FABP6: variants seen among roughly 807,000 people sequenced by gnomAD.
The protein encoded by FABP6 is gastrotropin.
FABP6 carries 13 observed loss-of-function variants against 14.9 expected under a neutral mutation model. That is an observed-to-expected ratio of 0.87 (90% CI 0.57 to 1.39). The LOEUF (loss-of-function observed/expected upper bound fraction) is 1.39, where lower values mean the gene tolerates loss of function less well. Among genes scored for constraint, FABP6 ranks in the 40% most tolerant of loss-of-function variants. The probability of loss-of-function intolerance (pLI) is 0.00; values close to 1 mark genes in which losing one functional copy is unlikely to be tolerated. For missense variants in FABP6, 161 were observed against 167.2 expected (o/e 0.96, Z 0.20); for synonymous variants, 75 against 63.6 (o/e 1.18, Z -0.85).
intron 1 of FABP6, among the ~76,000 whole-genome samples, chr5:160,193,424 T>C (rs1254717326): frequency 1.3e-5 from 2 of 152,068 alleles, no homozygotes; most frequent in African/African-American, 4.8e-5. Flanking sequence ...TTCCACAGTG[T>C]GGAAGGGGAC....
chr5:160,219,856 C>T (rs1236362699), intron 3 of FABP6, among the ~76,000 whole-genome samples: 2 of 152,104 alleles, frequency 1.3e-5, no homozygotes, highest in Non-Finnish European at 2.9e-5. Context: ...ATTCTAGGGC[C>T]CCACCCCAGA....
rs112058704 is a variant in FABP6, at chr5:160,205,632, C to T, written c.51+6475C>T. ...GGTTTACCTTTGGGCTATGTGACCA[C>T]GTTCTAGCCAATGACATTTGGAAAG... On this transcript the variant is annotated intron_variant, in intron 2 of 6. Transcript: ENST00000393980. Among the ~76,000 whole-genome samples, 12 of 152,300 alleles carry T rather than the reference C, an allele frequency of 7.9e-5. No homozygotes were observed. The East Asian group carries it at 1.5e-3, about 20-fold the overall frequency.
At chr5:160,214,099 C>CTTT in intron 3 of FABP6, among the ~76,000 whole-genome samples, 2 of 97,118 alleles carry the variant, frequency 2.1e-5, no homozygotes, top group South Asian at 7.8e-4. Context: ...CTCTTTCTTT[C>CTTT]TTTCTTTCTT....
intron 1 of FABP6, among the ~76,000 whole-genome samples, chr5:160,192,995 G>T (rs558175634): frequency 1.3e-5 from 2 of 152,310 alleles, no homozygotes; most frequent in East Asian, 3.9e-4. Context: ...CCTGTAGTCT[G>T]AACTACTTGG....
chr5:160,200,352 G>A (rs775304530), intron 2 of FABP6, among the ~76,000 whole-genome samples: 4 of 152,074 alleles, frequency 2.6e-5, no homozygotes, highest in East Asian at 1.9e-4. Flanking sequence ...TCTTTCTGCC[G>A]TTGTGGGCAG....
chr5:160,220,288 T>G (rs1760102926), intron 3 of FABP6, among the ~76,000 whole-genome samples: 1 of 152,186 alleles, frequency 6.6e-6, no homozygotes, highest in Non-Finnish European at 1.5e-5. Context: ...TCATTAAAAC[T>G]CTGGAAGATC....
At chr5:160,237,238 A>C (rs1342713947) in intron 3 of FABP6, among the ~76,000 whole-genome samples, 3 of 152,016 alleles carry the variant, frequency 2.0e-5, no homozygotes, top group African/African-American at 7.2e-5. Context: ...TGACAAGAGA[A>C]TTGATCTTCC....
intron 1 of FABP6, among the ~76,000 whole-genome samples, chr5:160,188,341 T>A (rs2113043961): frequency 7.2e-6 from 1 of 138,518 alleles, no homozygotes; most frequent in African/African-American, 2.7e-5. Context: ...CTGTGCTTTG[T>A]AAAAAAGAAA....
chr5:160,235,795 C>T (rs1561758183), intron 3 of FABP6, among the ~76,000 whole-genome samples: 1 of 152,078 alleles, frequency 6.6e-6, no homozygotes, highest in African/African-American at 2.4e-5. Context: ...CTCTCTCATT[C>T]TCGCTTTCTT....
chr5:160,199,231 CCTTGGGTGGGGGA>C, intron 2 of FABP6: 1 of 1,493,750 alleles, frequency 6.7e-7, no homozygotes, highest in East Asian at 2.3e-5. Context: ...GGGGAGAACA[CCTTGGGTGGGGGA>C]CTTGCTCGCC....
chr5:160,215,964 G>T (rs559494602), intron 3 of FABP6, among the ~76,000 whole-genome samples: 1 of 152,204 alleles, frequency 6.6e-6, no homozygotes, highest in South Asian at 2.1e-4. Context: ...CTGCAGATGG[G>T]AGGTAGAAGG....
At chr5:160,232,000 G>A in intron 1 of FABP6, 98 bp from the exon 2 acceptor site, 1 of 1,384,110 alleles carries the variant, frequency 7.2e-7, no homozygotes, top group East Asian at 2.4e-5. Context: ...TCATGCACAA[G>A]GGGGTAGGGC....
At chr5:160,205,101 C>T (rs1759733212) in intron 2 of FABP6, among the ~76,000 whole-genome samples, 1 of 152,062 alleles carries the variant, frequency 6.6e-6, no homozygotes, top group South Asian at 2.1e-4. Context: ...AGTCTCGTCT[C>T]CCACTGCCAG....
chr5:160,191,033 G>A (rs1160547386), intron 1 of FABP6, among the ~76,000 whole-genome samples: 4 of 148,146 alleles, frequency 2.7e-5, no homozygotes, highest in African/African-American at 1.0e-4. Context: ...AGGTTGCAGT[G>A]AGCTGAGATC....
chr5:160,238,336 G>GT (rs1760563735), intron 3 of FABP6, among the ~76,000 whole-genome samples: 1 of 152,162 alleles, frequency 6.6e-6, no homozygotes, highest in Non-Finnish European at 1.5e-5. Flanking sequence ...ATCATGCAGG[G>GT]TAACAGCCTG....
upstream of FABP6, among the ~76,000 whole-genome samples, chr5:160,226,418 G>A (rs112546173): frequency 0.18 from 27,812 of 151,322 alleles, 2,653 homozygotes; most frequent in African/African-American, 0.22. Flanking sequence ...AAAATTAGCC[G>A]GGCATGATGG....
chr5:160,228,715 TG>T, upstream of FABP6: 1 of 356,402 alleles, frequency 2.8e-6, no homozygotes, highest in Non-Finnish European at 5.5e-6. Flanking sequence ...GGCCCATGGG[TG>T]GCTGCTTTAC....
exon 3 of FABP6, chr5:160,213,779 A>G (rs1244449674): frequency 6.2e-7 from 1 of 1,613,924 alleles, no homozygotes. Flanking sequence ...GTGAGCCGGA[A>G]AGGAGACCTG....
chr5:160,234,947 A>G (rs1393069067), intron 3 of FABP6, 38 bp downstream of exon 3: 32 of 1,581,406 alleles, frequency 2.0e-5, no homozygotes, highest in Non-Finnish European at 2.8e-5. Context: ...ATTATTGGAT[A>G]TTTGTCTGCC....
Sources: allele counts gnomAD v4.1 joint callset (sites outside exome capture counted in the v4.1 genomes callset), GRCh38; gene constraint gnomAD v4.1.1; transcripts MANE v1.5; gene names NCBI Gene and HGNC (gene_info 2026-07-23, HGNC 2026-07-21).